The following ITGAE variants were observed in gnomAD, a reference collection of about 807,000 sequenced individuals.
ITGAE encodes integrin subunit alpha E.
In ITGAE, 99 loss-of-function variants were observed where a neutral mutation model predicts 136.5. The observed-to-expected ratio is 0.73, with a 90% CI of 0.62 to 0.86. The LOEUF is 0.86. Ranked by LOEUF, ITGAE falls within the 40% of genes least tolerant of loss-of-function variation. The pLI is 0.00. For synonymous variants in ITGAE, 613 were observed against 591.8 expected (o/e 1.04, Z -0.52); for missense variants, 1,447 against 1,515.3 (o/e 0.95, Z 0.75).
intron 8 of ITGAE, among the ~76,000 whole-genome samples, chr17:3,758,692 T>C (rs996225457): frequency 1.3e-5 from 2 of 151,812 alleles, no homozygotes; most frequent in Non-Finnish European, 2.9e-5. Context: ...CCTCAGGTGA[T>C]CCACCTGTGT....
intron 23 of ITGAE, chr17:3,730,454 A>AAAAAAAAAATAAATAAATAAATAAAT (rs147927266): frequency 2.7e-5 from 4 of 147,498 alleles, no homozygotes; most frequent in Non-Finnish European, 6.0e-5. Flanking sequence ...TCTGTCTCAA[A>AAAAAAAAAATAAATAAATAAATAAAT]AAATAAATAA....
intron 24 of ITGAE, 192 bp downstream of exon 24, chr17:3,729,286 A>G (rs558804038): frequency 1.6e-5 from 9 of 576,662 alleles, no homozygotes. Flanking sequence ...TTTGATGACC[A>G]CAGTGGGGTT....
At chr17:3,763,812 G>T in intron 3 of ITGAE, 57 bp downstream of exon 3, 1 of 1,367,906 alleles carries the variant, frequency 7.3e-7, no homozygotes, top group South Asian at 1.2e-5. Flanking sequence ...TAGATGAGGG[G>T]GATTTTGCTA....
intron 14 of ITGAE, 25 bp downstream of exon 14, chr17:3,753,265 C>T (rs1399941602): frequency 1.2e-6 from 2 of 1,607,842 alleles, no homozygotes; most frequent in South Asian, 2.2e-5. Flanking sequence ...CCTCAGCAAG[C>T]TCATGAAGAT....
At chr17:3,752,280 G>T (rs571060359) in intron 14 of ITGAE, among the ~76,000 whole-genome samples, 1 of 152,348 alleles carries the variant, frequency 6.6e-6, no homozygotes, top group African/African-American at 2.4e-5. Context: ...GGAGGCCTGG[G>T]TTTCACTCGT....
At chr17:3,755,935 G>C in intron 10 of ITGAE, 38 bp from the exon 11 acceptor site, 1 of 1,552,128 alleles carries the variant, frequency 6.4e-7, no homozygotes, top group Non-Finnish European at 8.8e-7. Context: ...GCTGTGGGCC[G>C]AGGTGAAGGG....
chr17:3,753,200 C>G (rs2051912932), intron 14 of ITGAE, 90 bp downstream of exon 14: 12 of 1,422,080 alleles, frequency 8.4e-6, no homozygotes, highest in Non-Finnish European at 1.1e-5. Context: ...TGGTGCCAGG[C>G]AGGGCCAGGG....
In ITGAE at chr17:3,757,799, C is replaced by T. The variant is rs1296087252; in HGVS notation, c.927G>A (p.Val309=). The T allele has an allele frequency of 1.9e-6, 3 of 1,614,070 alleles. No homozygotes were observed. The highest frequency in any genetic ancestry group is 2.5e-6 in the Non-Finnish European group (3 of 1,180,046). ...CCTCGAATATGCCACCATCGGTGAG[C>T]ACCACCATGACCTTGGATGCCTTTC... ...SRRKASKVMV[V]LTDGGIFEDP... is the part of the protein sequence containing the mutation. The change falls in exon 9 of 31, where the codon GTG becomes GTA. Residue 309 remains valine (V), a synonymous_variant. Coordinates refer to ENST00000263087, the MANE Select transcript of ITGAE (RefSeq NM_002208.5).
At chr17:3,758,950 C>A (rs1275760892) in intron 8 of ITGAE, among the ~76,000 whole-genome samples, 2 of 151,412 alleles carry the variant, frequency 1.3e-5, no homozygotes, top group Non-Finnish European at 2.9e-5. Context: ...ATGGTGAAAC[C>A]CCACCTCTAT....
At chr17:3,740,209 C>T (rs1396887429) in intron 19 of ITGAE, among the ~76,000 whole-genome samples, 3 of 152,212 alleles carry the variant, frequency 2.0e-5, no homozygotes, top group Non-Finnish European at 4.4e-5. Context: ...ACACAGCTCA[C>T]GACTTTGAGC....
chr17:3,794,722 C>T (rs2053022736), intron 1 of ITGAE, among the ~76,000 whole-genome samples: 1 of 152,194 alleles, frequency 6.6e-6, no homozygotes, highest in Non-Finnish European at 1.5e-5. Flanking sequence ...ACGTTGAGCC[C>T]TGTGCCTCCT....
intron 30 of ITGAE, among the ~76,000 whole-genome samples, chr17:3,716,143 C>T (rs902983457): frequency 3.3e-5 from 5 of 150,812 alleles, no homozygotes; most frequent in Admixed American, 3.3e-4. Flanking sequence ...CGCACTCAAG[C>T]CTGGGCGAAA....
At chr17:3,728,557 G>C in intron 24 of ITGAE, 1 of 174,546 alleles carries the variant, frequency 5.7e-6, no homozygotes, top group Non-Finnish European at 1.2e-5. Context: ...ATTTTCAGTA[G>C]AGACGGGGTT....
intron 23 of ITGAE, among the ~76,000 whole-genome samples, chr17:3,729,913 G>C (rs994980074): frequency 2.6e-5 from 4 of 152,088 alleles, no homozygotes; most frequent in Admixed American, 2.6e-4. Context: ...AAGTTCCAGG[G>C]TACATGTGCA....
At chr17:3,734,657 G>A (rs1597313563) in intron 21 of ITGAE, among the ~76,000 whole-genome samples, 160 bp downstream of exon 21, 1 of 152,202 alleles carries the variant, frequency 6.6e-6, no homozygotes. Flanking sequence ...GAGGCATGGA[G>A]CCGGACTGGC....
At position 3,796,148 on chromosome 17, in the gene ITGAE, C is replaced by CGT. The variant is rs71155807; in HGVS notation, c.34+4961_34+4962dup. On this transcript the variant is annotated intron_variant, in intron 1 of 30. Coordinates refer to ENST00000263087, the MANE Select transcript of ITGAE (RefSeq NM_002208.5). The stretch of plus-strand genomic sequence containing the variant: ...GTGTGTGCATCCATGTGTGTGCATC[C>CGT]GTGTGTGTGTGTGTGTGCATCCGTG... Among the ~76,000 whole-genome samples the CGT allele has an allele frequency of 1.8e-4, 23 of 130,388 alleles. No individual in the cohort carries two copies. The East Asian group carries it at 2.1e-3, about 12-fold the overall frequency. 85.5% of individuals were successfully genotyped at this position (130,388 alleles called of 152,430 possible). A position where few individuals can be genotyped will look rare whatever the true frequency, so the allele number is the denominator to read the frequency against.
intron 26 of ITGAE, chr17:3,726,282 A>C: frequency 6.2e-7 from 1 of 1,614,118 alleles, no homozygotes; most frequent in Non-Finnish European, 8.5e-7. Context: ...GACAATGCTG[A>C]ACTTCAGCTC....
At chr17:3,782,340 A>AGTGTGTGTGTGTGTGTGT (rs151134975) in intron 1 of ITGAE, among the ~76,000 whole-genome samples, 10 of 109,596 alleles carry the variant, frequency 9.1e-5, no homozygotes, top group East Asian at 3.4e-4. Flanking sequence ...TTAAATCTCT[A>AGTGTGTGTGTGTGTGTGT]GTGTGTGTGT....
At chr17:3,726,057 G>A (rs764362868) in intron 26 of ITGAE, 1 of 1,614,182 alleles carries the variant, frequency 6.2e-7, no homozygotes, top group Non-Finnish European at 8.5e-7. Context: ...TTCCATGGAT[G>A]AGGACCTGTT....
Sources: gnomAD v4.1 joint callset for allele counts (sites outside exome capture counted in the v4.1 genomes callset) on GRCh38, gnomAD v4.1.1 for gene constraint, MANE v1.5 for transcripts, NCBI Gene and HGNC (gene_info 2026-07-23, HGNC 2026-07-21) for gene names.